RBMS2: variants seen among roughly 807,000 people sequenced by gnomAD.
The protein encoded by RBMS2 is RNA-binding motif, single-stranded-interacting protein 2.
A neutral mutation model predicts 58.4 loss-of-function variants in RBMS2; 38 were observed. That is an observed-to-expected ratio of 0.65 (90% CI 0.50 to 0.85). The LOEUF (loss-of-function observed/expected upper bound fraction) is 0.85. Among genes scored for constraint, RBMS2 ranks in the 40% least tolerant of loss-of-function variants. The probability of loss-of-function intolerance (pLI) is 0.00; values close to 1 mark genes in which losing one functional copy is unlikely to be tolerated. For synonymous variants in RBMS2, 151 were observed against 180.7 expected (o/e 0.84, Z 1.32); for missense variants, 367 against 503.7 (o/e 0.73, Z 2.60).
At chr12:56,525,362 C>G (rs972191181) in intron 1 of RBMS2, among the ~76,000 whole-genome samples, 1 of 151,894 alleles carries the variant, frequency 6.6e-6, no homozygotes, top group Non-Finnish European at 1.5e-5. Flanking sequence ...GCTGGGACTA[C>G]AGGTGTGCGC....
At chr12:56,587,512 C>T in intron 10 of RBMS2, 42 bp from the exon 11 acceptor site, 12 of 1,594,946 alleles carry the variant, frequency 7.5e-6, no homozygotes, top group Non-Finnish European at 1.0e-5. Flanking sequence ...GGCAGCCTCA[C>T]AGGATGCTGC....
At chr12:56,543,664 C>CT (rs934876796) in intron 1 of RBMS2, among the ~76,000 whole-genome samples, 12 of 149,810 alleles carry the variant, frequency 8.0e-5, no homozygotes, top group Non-Finnish European at 1.3e-4. Flanking sequence ...AGAGTCACCT[C>CT]TTTTTTTTGG....
intron 5 of RBMS2, among the ~76,000 whole-genome samples, chr12:56,575,962 C>T (rs1033906604): frequency 6.6e-6 from 1 of 151,852 alleles, no homozygotes; most frequent in Non-Finnish European, 1.5e-5. Context: ...TTTCAGTTAC[C>T]CACAGTCAAC....
At chr12:56,578,137 T>A (rs1408366712) in intron 5 of RBMS2, among the ~76,000 whole-genome samples, 2 of 151,950 alleles carry the variant, frequency 1.3e-5, no homozygotes, top group Non-Finnish European at 2.9e-5. Context: ...ATTTTTTTTT[T>A]TATTTTTTTG....
chr12:56,573,541 A>C (rs1425059370), intron 5 of RBMS2, among the ~76,000 whole-genome samples: 2 of 150,778 alleles, frequency 1.3e-5, no homozygotes, highest in Non-Finnish European at 2.9e-5. Context: ...TCCCCAGCTG[A>C]CTCAAGCTTA....
chr12:56,545,131 C>T (rs1426584776), intron 1 of RBMS2, among the ~76,000 whole-genome samples: 1 of 152,108 alleles, frequency 6.6e-6, no homozygotes, highest in African/African-American at 2.4e-5. Context: ...ATCCTCATAG[C>T]TTAGCTCTCA....
chr12:56,583,139 C>T lies in RBMS2; in HGVS notation c.873+987C>T, dbSNP rs1042325809. On this transcript the variant is annotated intron_variant, in intron 9 of 13. Transcript: ENST00000262031. Reference sequence around the variant, plus strand: ...TTTTTTGCTGCTATCAATAATGCTCCACTAAACACCCTTGTGCTATATTTT... The same window carrying T: ...TTTTTTGCTGCTATCAATAATGCTCTACTAAACACCCTTGTGCTATATTTT... 2.6e-5 allele frequency among the ~76,000 whole-genome samples: 4 copies of T among 152,186 alleles called. No individual in the cohort carries two copies. The East Asian group carries it at 5.8e-4, about 22-fold the overall frequency.
At chr12:56,567,238 A>G (rs2136450170) in intron 2 of RBMS2, among the ~76,000 whole-genome samples, 1 of 151,898 alleles carries the variant, frequency 6.6e-6, no homozygotes, top group Non-Finnish European at 1.5e-5. Context: ...TGTAAAACTT[A>G]GCTGGGTGTG....
At chr12:56,546,325 A>T (rs1472434200) in intron 1 of RBMS2, among the ~76,000 whole-genome samples, 11 of 147,152 alleles carry the variant, frequency 7.5e-5, no homozygotes, top group African/African-American at 2.5e-4. Context: ...TATAAAAAAT[A>T]ATAATACATT....
intron 1 of RBMS2, among the ~76,000 whole-genome samples, chr12:56,524,422 C>T (rs1592304698): frequency 1.4e-5 from 2 of 145,272 alleles, no homozygotes; most frequent in South Asian, 4.3e-4. Flanking sequence ...TTTATTTTTA[C>T]TTTTTTTTTT....
At chr12:56,548,785 C>T (rs1413906514) in intron 1 of RBMS2, among the ~76,000 whole-genome samples, 1 of 152,114 alleles carries the variant, frequency 6.6e-6, no homozygotes. Flanking sequence ...GTTTATTTCA[C>T]TCATTTTAAC....
At chr12:56,570,178 GTAGCTC>G in intron 4 of RBMS2, 188 bp downstream of exon 4, 1 of 575,354 alleles carries the variant, frequency 1.7e-6, no homozygotes, top group Non-Finnish European at 3.1e-6. Flanking sequence ...TCTATGGCAG[GTAGCTC>G]TATCAGCTCT....
At chr12:56,566,464 C>G (rs1356892331) in intron 2 of RBMS2, among the ~76,000 whole-genome samples, 1 of 152,186 alleles carries the variant, frequency 6.6e-6, no homozygotes, top group Non-Finnish European at 1.5e-5. Context: ...CACTACTACT[C>G]AAGTTTTAGA....
At chr12:56,566,287 T>C (rs534439132) in intron 2 of RBMS2, among the ~76,000 whole-genome samples, 63 of 152,272 alleles carry the variant, frequency 4.1e-4, no homozygotes, top group Admixed American at 7.2e-4. Flanking sequence ...TTGTTTGGGG[T>C]ATTATTCTCA....
chr12:56,588,850 A>G, intron 12 of RBMS2, 82 bp from the exon 13 acceptor site: 2 of 1,340,542 alleles, frequency 1.5e-6, no homozygotes, highest in Non-Finnish European at 2.1e-6. Flanking sequence ...CACTCGATGT[A>G]GGGTGGGCTT....
upstream of RBMS2, among the ~76,000 whole-genome samples, chr12:56,521,294 G>A (rs1223378704): frequency 6.6e-6 from 1 of 152,010 alleles, no homozygotes; most frequent in East Asian, 1.9e-4. Flanking sequence ...GCTGGGTGTG[G>A]TGGTGGTCAC....
At chr12:56,559,980 C>T (rs1053133678) in intron 1 of RBMS2, among the ~76,000 whole-genome samples, 6 of 64,620 alleles carry the variant, frequency 9.3e-5, no homozygotes, top group Non-Finnish European at 2.0e-4. Context: ...CTGCAACCTC[C>T]GCCTCCCAGG....
chr12:56,530,549 G>A (rs1484351925), intron 1 of RBMS2, among the ~76,000 whole-genome samples: 2 of 150,950 alleles, frequency 1.3e-5, no homozygotes, highest in Non-Finnish European at 3.0e-5. Context: ...TTGTACAGAT[G>A]GGGTCCCACT....
intron 7 of RBMS2, 106 bp downstream of exon 7, chr12:56,581,614 G>A (rs2136553557): frequency 8.0e-7 from 1 of 1,253,966 alleles, no homozygotes; most frequent in Non-Finnish European, 1.1e-6. Flanking sequence ...GAGAGCTACA[G>A]TACGTAATTG....
Sources: allele counts gnomAD v4.1 joint callset (sites outside exome capture counted in the v4.1 genomes callset), GRCh38; gene constraint gnomAD v4.1.1; transcripts MANE v1.5; gene names NCBI Gene and HGNC (gene_info 2026-07-23, HGNC 2026-07-21).